Variants in CDH2 observed in about 807,000 individuals in gnomAD.
CDH2 encodes the protein cadherin-2.
CDH2 carries 17 observed loss-of-function variants against 92.0 expected under a neutral mutation model. That is an observed-to-expected ratio of 0.18 (90% CI 0.13 to 0.28). The LOEUF (loss-of-function observed/expected upper bound fraction) is 0.28, where lower values mean the gene tolerates loss of function less well. CDH2 is among the 10% of genes least tolerant of loss of function. The probability of loss-of-function intolerance (pLI) is 1.00; values close to 1 mark genes in which losing one functional copy is unlikely to be tolerated. For synonymous variants in CDH2, 419 were observed against 415.9 expected, an observed-to-expected ratio of 1.01 and a Z score of -0.09; for missense variants, 862 against 1,133.1, an observed-to-expected ratio of 0.76 and a Z score of 3.44.
At chr18:28,076,743 A>G (rs970639211) in intron 2 of CDH2, among the ~76,000 whole-genome samples, 10 of 123,470 alleles carry the variant, frequency 8.1e-5, no homozygotes, top group African/African-American at 3.2e-4. Flanking sequence ...TCCTGTGTCC[A>G]AGTGTTCTCA....
At chr18:28,168,625 A>C in intron 1 of CDH2, 2 of 491,522 alleles carry the variant, frequency 4.1e-6, no homozygotes, top group Non-Finnish European at 5.3e-6. Context: ...TTGTTGATCA[A>C]AACTATTAGA....
At chr18:28,136,977 A>G (rs570343570) in intron 2 of CDH2, among the ~76,000 whole-genome samples, 1 of 152,322 alleles carries the variant, frequency 6.6e-6, no homozygotes, top group Admixed American at 6.5e-5. Flanking sequence ...TTGGGTTAGA[A>G]GAGTTAAAAC....
chr18:27,971,563 T>C (rs2011660722), intron 14 of CDH2, among the ~76,000 whole-genome samples: 1 of 152,164 alleles, frequency 6.6e-6, no homozygotes, highest in South Asian at 2.1e-4. Context: ...TGGGAGGGGA[T>C]GGGCACTGAC....
At chr18:27,933,412 T>TC (rs1342785500) in intron 6 of CDH2, among the ~76,000 whole-genome samples, 49 of 152,316 alleles carry the variant, frequency 3.2e-4, no homozygotes, top group African/African-American at 1.2e-3. Flanking sequence ...TATAGGTATG[T>TC]TGTGAAATAA....
At chr18:27,990,042 T>A in intron 10 of CDH2, 55 bp downstream of exon 10, 1 of 1,462,254 alleles carries the variant, frequency 6.8e-7, no homozygotes, top group Non-Finnish European at 9.4e-7. Flanking sequence ...ATAAATTTTA[T>A]GCACAGCATA....
At chr18:27,992,056 C>G (rs1167047138) in intron 9 of CDH2, among the ~76,000 whole-genome samples, 1 of 152,174 alleles carries the variant, frequency 6.6e-6, no homozygotes, top group African/African-American at 2.4e-5. Context: ...TTCTTAACGT[C>G]TCGGAAATAG....
Position 28,024,363 on chromosome 18 carries a change from A to AT in CDH2, c.173-10455_173-10454insA, listed in dbSNP as rs1313857669. On this transcript the variant is annotated intron_variant, in intron 2 of 15. Coordinates refer to ENST00000269141, the MANE Select transcript of CDH2 (RefSeq NM_001792.5). The stretch of plus-strand genomic sequence containing the variant: ...TTGTGTTGGGAAAATAAACATATGT[A>AT]GAAATGAAATCTTAAGACAAAACAG... Among the ~76,000 whole-genome samples the AT allele has an allele frequency of 3.3e-5, 5 of 151,906 alleles. No homozygotes were observed. In the East Asian group the frequency reaches 9.7e-4, roughly 29 times the overall value.
rs146473333 is a variant in CDH2, at chr18:27,986,465, C to T, written c.1742-704G>A. On this transcript the variant is annotated intron_variant, in intron 11 of 15. Transcript: ENST00000269141. ...TGCTACTAAATATTGGTCGGCCTGA[C>T]CTCAAACCCATTCTCATTCCACTAT... Among the ~76,000 whole-genome samples the T allele has an allele frequency of 4.3e-3, 656 of 152,304 alleles. 4 individuals carry two copies. Among genetic ancestry groups the T allele is most frequent in the African/African-American group, 0.014 (587 of 41,562 alleles).
intron 7 of CDH2, among the ~76,000 whole-genome samples, chr18:27,998,891 GAGA>G: frequency 6.6e-6 from 1 of 152,308 alleles, no homozygotes; most frequent in East Asian, 1.9e-4. Context: ...GTGCCCCTTG[GAGA>G]AGACTGGTGT....
intron 13 of CDH2, among the ~76,000 whole-genome samples, chr18:27,983,829 C>T (rs79948789): frequency 1.3e-5 from 2 of 152,204 alleles, no homozygotes; most frequent in Admixed American, 1.3e-4. Context: ...TTCTTGATAA[C>T]ATTGGCATCT....
chr18:28,030,693 A>C (rs557279540), intron 2 of CDH2, among the ~76,000 whole-genome samples: 25 of 152,126 alleles, frequency 1.6e-4, no homozygotes, highest in African/African-American at 5.5e-4. Context: ...ACTCCAAAGA[A>C]TGGGGCTCGG....
At position 27,999,608 on chromosome 18, in the gene CDH2, GATTT is replaced by G. The variant is rs368742803; in HGVS notation, c.1020+3385_1020+3388del. Among the ~76,000 whole-genome samples the G allele has an allele frequency of 4.2e-3, 638 of 152,006 alleles. 6 individuals carry two copies. The highest frequency in any genetic ancestry group is 0.015 in the African/African-American group (618 of 41,470). The stretch of plus-strand genomic sequence containing the variant: ...TGGCAGTGGGGAAAACAATAGCTCA[GATTT>G]ATTAGGCACTGTGCTGAATGCCTTT... On this transcript the variant is annotated intron_variant, in intron 7 of 15. Coordinates refer to ENST00000269141, the MANE Select transcript of CDH2 (RefSeq NM_001792.5).
intron 2 of CDH2, among the ~76,000 whole-genome samples, chr18:28,140,196 C>T (rs941679795): frequency 6.6e-5 from 10 of 151,886 alleles, no homozygotes; most frequent in South Asian, 2.1e-4. Flanking sequence ...GTTTTAAAAC[C>T]ATACAACTCT....
chr18:28,073,153 A>C (rs946028394), intron 2 of CDH2, among the ~76,000 whole-genome samples: 6 of 152,154 alleles, frequency 3.9e-5, no homozygotes, highest in East Asian at 1.9e-4. Flanking sequence ...CATTTCCTTC[A>C]GTTCTCTAGT....
rs1321949769 is a variant in CDH2 at position 28,177,089 on chromosome 18, G to T, written c.-67C>A. The T allele has an allele frequency of 1.6e-6, 2 of 1,269,336 alleles. No homozygotes were observed. Among genetic ancestry groups the T allele is most frequent in the African/African-American group, 1.5e-5 (1 of 65,024 alleles). The allele number at this position is 1,269,336 out of a possible 1,614,324, so 78.6% of individuals were successfully genotyped here. On this transcript the variant is annotated 5_prime_UTR_variant, in exon 1 of 16. Coordinates refer to ENST00000269141, the MANE Select transcript of CDH2 (RefSeq NM_001792.5). Reference sequence around the variant, plus strand: ...GGCGGCGGCGGCGGCGGCGGAGGAGGAGGAGGCAGCGGCAGCACCAACAGC... The same window carrying T: ...GGCGGCGGCGGCGGCGGCGGAGGAGTAGGAGGCAGCGGCAGCACCAACAGC...
chr18:27,953,178 AGAG>A (rs1179427681), intron 15 of CDH2, among the ~76,000 whole-genome samples: 1 of 152,184 alleles, frequency 6.6e-6, no homozygotes, highest in African/African-American at 2.4e-5. Flanking sequence ...AATATTGAAA[AGAG>A]GAGGACTCCT....
intron 6 of CDH2, among the ~76,000 whole-genome samples, chr18:27,939,735 A>C (rs753831777): frequency 2.4e-4 from 36 of 152,214 alleles, no homozygotes; most frequent in South Asian, 1.0e-3. Context: ...ATACTGCAAC[A>C]TTAAATGGCT....
chr18:28,117,559 A>C (rs761650635), intron 2 of CDH2, among the ~76,000 whole-genome samples: 3 of 152,142 alleles, frequency 2.0e-5, no homozygotes, highest in Non-Finnish European at 4.4e-5. Context: ...ATTCACAAAG[A>C]GTTTAAACTA....
chr18:28,112,599 A>C (rs934568607), intron 2 of CDH2, among the ~76,000 whole-genome samples: 13 of 152,208 alleles, frequency 8.5e-5, no homozygotes, highest in Non-Finnish European at 1.2e-4. Context: ...AGTTCTCATG[A>C]TCATCTTTTT....
Sources: gnomAD v4.1 joint callset for allele counts (sites outside exome capture counted in the v4.1 genomes callset) on GRCh38, gnomAD v4.1.1 for gene constraint, MANE v1.5 for transcripts, NCBI Gene and HGNC (gene_info 2026-07-23, HGNC 2026-07-21) for gene names.